Variants in SLC16A7 observed in about 807,000 individuals in gnomAD.
The protein encoded by SLC16A7 is solute carrier family 16 member 7.
Under a neutral mutation model 34.9 loss-of-function variants are expected in SLC16A7, and 33 were observed. The observed-to-expected ratio is 0.94, with a 90% confidence interval of 0.72 to 1.26. SLC16A7 has a LOEUF of 1.26. SLC16A7 is among the 50% of genes most tolerant of loss of function. The pLI is 0.00. For missense variants in SLC16A7, 573 were observed against 578.1 expected (o/e 0.99, Z 0.09); for synonymous variants, 201 against 206.6 (o/e 0.97, Z 0.23).
chr12:59,647,484 G>A lies in SLC16A7; in HGVS notation c.-129-7668G>A, dbSNP rs116920533. 5.7e-3 allele frequency among the ~76,000 whole-genome samples: 865 copies of A among 152,286 alleles called. 2 individuals carry two copies. Among genetic ancestry groups the A allele is most frequent in the Non-Finnish European group, 9.7e-3 (658 of 68,028 alleles). ...GGCCTCCCTAGCCCTGTGGAACTGT[G>A]AGTCAATTAAACCTCTTTCCTTTAT... is the stretch of plus-strand genomic sequence containing the variant. On this transcript the variant is annotated intron_variant, in intron 1 of 5. Coordinates refer to ENST00000547379, the MANE Select transcript of SLC16A7 (RefSeq NM_001270623.2).
At chr12:59,698,320 TC>T (rs1337834520) in intron 2 of SLC16A7, among the ~76,000 whole-genome samples, 1 of 151,788 alleles carries the variant, frequency 6.6e-6, no homozygotes, top group Non-Finnish European at 1.5e-5. Flanking sequence ...GAACTGTACT[TC>T]TATATAGCAC....
intron 1 of SLC16A7, chr12:59,597,222 TACACAC>T (rs57912392): frequency 0.25 from 33,296 of 134,472 alleles, 4,124 homozygotes; most frequent in Non-Finnish European, 0.27. Context: ...ATTAAAATTT[TACACAC>T]ACACACACAC....
chr12:59,685,996 A>C lies in SLC16A7; in HGVS notation c.-30-18776A>C, dbSNP rs141293640. On this transcript the variant is annotated intron_variant, in intron 2 of 5. Coordinates refer to ENST00000547379, the MANE Select transcript of SLC16A7 (RefSeq NM_001270623.2). ...TCTAAGCAGTCTTAAGGAACTAAGA[A>C]TTGGCCTTTGGGAGCCTCTAGTATT... is the stretch of plus-strand genomic sequence containing the variant. Among the ~76,000 whole-genome samples, 209 of 151,948 alleles carry C rather than the reference A, an allele frequency of 1.4e-3. 1 individual carries two copies. Among genetic ancestry groups the C allele is most frequent in the Middle Eastern group, 6.8e-3 (2 of 294 alleles).
chr12:59,630,066 G>T (rs1880111194), intron 1 of SLC16A7, among the ~76,000 whole-genome samples: 2 of 151,884 alleles, frequency 1.3e-5, no homozygotes, highest in Non-Finnish European at 2.9e-5. Flanking sequence ...ACAAAGGAGT[G>T]AGAACTGGAT....
rs1233079067 is a variant in SLC16A7 at position 59,707,726 on chromosome 12, A to C, written c.217+2708A>C. On this transcript the variant is annotated intron_variant, in intron 3 of 5. Transcript: ENST00000547379. ...TGTGAAAGCAGTGCTAGATACATAC[A>C]AATTCTTGGTATTTAGTAATTGATG... Among the ~76,000 whole-genome samples, 3 of 152,228 alleles carry C rather than the reference A, an allele frequency of 2.0e-5. No individual in the cohort carries two copies. In the East Asian group the frequency reaches 5.8e-4, roughly 29 times the overall value.
intron 1 of SLC16A7, among the ~76,000 whole-genome samples, chr12:59,614,021 A>C (rs1328640443): frequency 2.0e-5 from 3 of 151,506 alleles, no homozygotes; most frequent in African/African-American, 7.3e-5. Flanking sequence ...CTGATGCAGC[A>C]TGTGCTCCCA....
intron 3 of SLC16A7, among the ~76,000 whole-genome samples, chr12:59,720,653 G>T (rs1394515022): frequency 6.6e-6 from 1 of 151,992 alleles, no homozygotes; most frequent in East Asian, 1.9e-4. Flanking sequence ...TTGTCTTCCA[G>T]AAGCTCCCCA....
At position 59,788,598 on chromosome 12, in the gene SLC16A7, C is replaced by A. The variant is rs1284335621; in HGVS notation, c.*8919C>A. Reference sequence around the variant, plus strand: ...AGTATAAAATAATACATTTAAAATACCTGTCAAAGTTTTAAAATATAAGAT... The same window carrying A: ...AGTATAAAATAATACATTTAAAATAACTGTCAAAGTTTTAAAATATAAGAT... On this transcript the variant is annotated 3_prime_UTR_variant, in exon 6 of 6. Coordinates refer to ENST00000547379, the MANE Select transcript of SLC16A7 (RefSeq NM_001270623.2). 1 of 151,826 alleles carries A rather than the reference C, an allele frequency of 6.6e-6. No homozygotes were observed. The highest frequency in any genetic ancestry group is 2.4e-5 in the African/African-American group (1 of 41,386). 9.4% of individuals were successfully genotyped at this position (151,826 alleles called of 1,614,324 possible).
chr12:59,767,434 G>A (rs762602592), intron 3 of SLC16A7, among the ~76,000 whole-genome samples: 1 of 151,944 alleles, frequency 6.6e-6, no homozygotes, highest in Non-Finnish European at 1.5e-5. Flanking sequence ...TGTCTTCAAA[G>A]CTTCAAAGGA....
chr12:59,704,156 T>G (rs1452751284), intron 2 of SLC16A7, among the ~76,000 whole-genome samples: 1 of 126,480 alleles, frequency 7.9e-6, no homozygotes, highest in Non-Finnish European at 1.5e-5. Context: ...GCCAATATCA[T>G]GCCACTGCAC....
intron 3 of SLC16A7, chr12:59,761,143 T>G (rs1240569948): frequency 1.6e-6 from 2 of 1,285,240 alleles, no homozygotes; most frequent in Non-Finnish European, 2.0e-6. Flanking sequence ...TTTGAAAGCT[T>G]TTTGATCTTC....
intron 2 of SLC16A7, among the ~76,000 whole-genome samples, chr12:59,682,857 G>A (rs1870849148): frequency 6.6e-6 from 1 of 152,080 alleles, no homozygotes; most frequent in East Asian, 1.9e-4. Flanking sequence ...ACCTGAGGTC[G>A]AGAGTTCGAG....
Position 59,704,815 on chromosome 12 carries a change from CA to C in SLC16A7, c.16del (p.Ser6ValfsTer53), listed in dbSNP as rs989937577. The C allele has an allele frequency of 4.3e-6, 7 of 1,612,778 alleles. No individual in the cohort carries two copies. The highest frequency in any genetic ancestry group is 5.9e-6 in the Non-Finnish European group (7 of 1,179,230). On this transcript the variant is annotated frameshift_variant, in exon 3 of 6. Coordinates refer to ENST00000547379, the MANE Select transcript of SLC16A7 (RefSeq NM_001270623.2). LOFTEE classifies it high-confidence loss of function. Reference protein sequence around the residue: MPPMPSAPPVHPPPD... With the variant: MPPMXSAPPVHPPPD... ...AGAGGAGCAGAAATGCCACCAATGC[CA>C]AGTGCCCCACCTGTGCATCCACCTC...
chr12:59,725,526 T>C (rs1172164510), intron 3 of SLC16A7, among the ~76,000 whole-genome samples: 3 of 152,182 alleles, frequency 2.0e-5, no homozygotes, highest in Non-Finnish European at 4.4e-5. Context: ...AAATAACTTT[T>C]CTCTGCCAAA....
chr12:59,741,683 G>T (rs1038416100), intron 3 of SLC16A7, among the ~76,000 whole-genome samples: 1 of 152,152 alleles, frequency 6.6e-6, no homozygotes, highest in African/African-American at 2.4e-5. Flanking sequence ...AAATTCACGG[G>T]AATCTCTGAA....
intron 1 of SLC16A7, among the ~76,000 whole-genome samples, chr12:59,649,778 G>A (rs1238813094): frequency 1.2e-4 from 18 of 152,084 alleles, no homozygotes; most frequent in Admixed American, 4.6e-4. Flanking sequence ...GCGAAACCCC[G>A]TCTCTACTAA....
chr12:59,622,523 G>A (rs572761836), intron 1 of SLC16A7, among the ~76,000 whole-genome samples: 4 of 151,624 alleles, frequency 2.6e-5, no homozygotes, highest in African/African-American at 4.8e-5. Flanking sequence ...TAAAGCCTTC[G>A]TTTTCATTTT....
chr12:59,746,460 T>C (rs1422694266), intron 3 of SLC16A7, among the ~76,000 whole-genome samples: 1 of 151,792 alleles, frequency 6.6e-6, no homozygotes, highest in Non-Finnish European at 1.5e-5. Flanking sequence ...CAGAAAAGAG[T>C]TTTAATCTAC....
chr12:59,761,986 C>A (rs1881062419), intron 3 of SLC16A7, among the ~76,000 whole-genome samples: 1 of 152,018 alleles, frequency 6.6e-6, no homozygotes, highest in Non-Finnish European at 1.5e-5. Context: ...ACTCATTATG[C>A]CAACTGTATT....
Sources: gnomAD v4.1 joint callset for allele counts (sites outside exome capture counted in the v4.1 genomes callset) on GRCh38, gnomAD v4.1.1 for gene constraint, MANE v1.5 for transcripts, NCBI Gene and HGNC (gene_info 2026-07-23, HGNC 2026-07-21) for gene names.